Variants in RBFOX1 observed in about 807,000 individuals in gnomAD.
RBFOX1 encodes the protein RNA binding fox-1 homolog 1, also known as RNA binding protein fox-1 homolog 1.
In RBFOX1, 8 loss-of-function variants were observed where a neutral mutation model predicts 57.7. The observed-to-expected ratio is 0.14, with a 90% confidence interval of 0.08 to 0.25. The LOEUF is 0.25. Among genes scored for constraint, RBFOX1 ranks in the 10% least tolerant of loss-of-function variants. The pLI is 1.00. For synonymous variants in RBFOX1, 326 were observed against 222.4 expected (o/e 1.47, Z -4.15); for missense variants, 611 against 548.5 (o/e 1.11, Z -1.14).
intron 2 of RBFOX1, among the ~76,000 whole-genome samples, chr16:6,547,328 A>T (rs2096910323): frequency 6.6e-6 from 1 of 152,152 alleles, no homozygotes; most frequent in African/African-American, 2.4e-5. Flanking sequence ...GTTGTTAATG[A>T]CTACTTATTT....
chr16:7,608,580 A>G (rs1568070411), intron 10 of RBFOX1, among the ~76,000 whole-genome samples: 1 of 151,952 alleles, frequency 6.6e-6, no homozygotes, highest in Non-Finnish European at 1.5e-5. Context: ...CTGAGAAGAC[A>G]CCTCTGCTGA....
chr16:5,818,492 C>A (rs2055725610), intron 3 of RBFOX1, among the ~76,000 whole-genome samples: 1 of 152,132 alleles, frequency 6.6e-6, no homozygotes, highest in Non-Finnish European at 1.5e-5. Flanking sequence ...AGCCATGTGC[C>A]AGATACTGTG....
chr16:5,368,198 C>T (rs988742461), intron 1 of RBFOX1, among the ~76,000 whole-genome samples: 1 of 152,208 alleles, frequency 6.6e-6, no homozygotes, highest in Non-Finnish European at 1.5e-5. Context: ...TTTGAAGCTG[C>T]TCATGTGGTT....
Position 7,061,170 on chromosome 16 carries a change from A to G in RBFOX1, c.27+9072A>G, listed in dbSNP as rs147333065. On this transcript the variant is annotated intron_variant, in intron 4 of 15. Transcript: ENST00000550418. ...TTTGCCCCAAAGTAATTAGTTCTCT[A>G]CTTCTAGAAGCTGCAGGAACTCAGG... 9.8e-5 allele frequency among the ~76,000 whole-genome samples: 15 copies of G among 152,324 alleles called. No homozygotes were observed. In the East Asian group the frequency reaches 2.9e-3, roughly 29 times the overall value.
In RBFOX1 at chr16:6,735,643, C is replaced by G. The variant is rs538805085; in HGVS notation, c.-16+80993C>G. ...AAGTTGTGTAACATTGGATCGATCA[C>G]AAAATGTTTGGGTAACAATGCTGAG... On this transcript the variant is annotated intron_variant, in intron 3 of 15. Coordinates refer to ENST00000550418, the MANE Select transcript of RBFOX1 (RefSeq NM_018723.4). 8.5e-5 allele frequency among the ~76,000 whole-genome samples: 13 copies of G among 152,242 alleles called. No individual in the cohort carries two copies. The East Asian group carries it at 2.5e-3, about 29-fold the overall frequency.
intron 1 of RBFOX1, among the ~76,000 whole-genome samples, chr16:6,167,380 G>C (rs1249600240): frequency 6.6e-6 from 1 of 152,188 alleles, no homozygotes; most frequent in Non-Finnish European, 1.5e-5. Context: ...TTTAAGCTGA[G>C]AGCACTTACC....
chr16:6,019,899 A>T lies in RBFOX1; in HGVS notation c.-220A>T. 3.3e-6 allele frequency: 5 copies of T among 1,535,042 alleles called. No homozygotes were observed. The highest frequency in any genetic ancestry group is 4.4e-6 in the Non-Finnish European group (5 of 1,146,576). On this transcript the variant is annotated 5_prime_UTR_variant, in exon 1 of 16. An upstream start codon of the reference 5' UTR is lost. Transcript: ENST00000550418. This position sits in a 1 kb window ranked among gnomAD's most constrained non-coding sequence, Gnocchi z 4.2. ...CACCCCCTTCCGCCGCCTCCAGCTTATGGTGAGTGTGGCTGGGGGTGCAGA... is the reference window on the plus strand; with the variant it reads ...CACCCCCTTCCGCCGCCTCCAGCTTTTGGTGAGTGTGGCTGGGGGTGCAGA...
chr16:7,232,144 C>T (rs1333966479), intron 4 of RBFOX1, among the ~76,000 whole-genome samples: 1 of 152,126 alleles, frequency 6.6e-6, no homozygotes, highest in Non-Finnish European at 1.5e-5. Flanking sequence ...CTGCTTCAGC[C>T]TCCTGAGTAG....
At chr16:6,129,656 T>C (rs2096615323) in intron 1 of RBFOX1, among the ~76,000 whole-genome samples, 1 of 145,502 alleles carries the variant, frequency 6.9e-6, no homozygotes, top group African/African-American at 2.6e-5. Flanking sequence ...AACATCCATT[T>C]ACAGGTCCAA....
intron 1 of RBFOX1, among the ~76,000 whole-genome samples, chr16:6,232,795 T>C (rs555361920): frequency 4.6e-5 from 7 of 152,270 alleles, no homozygotes; most frequent in African/African-American, 1.7e-4. Context: ...TGCTTCCACT[T>C]GGACTGGTGA....
intron 14 of RBFOX1, among the ~76,000 whole-genome samples, chr16:7,707,672 A>G (rs1402611175): frequency 1.3e-5 from 2 of 152,160 alleles, no homozygotes; most frequent in Non-Finnish European, 2.9e-5. Flanking sequence ...TCAATGGTGC[A>G]TCACTCACTC....
intron 4 of RBFOX1, among the ~76,000 whole-genome samples, chr16:5,955,155 A>T (rs1436125945): frequency 8.6e-6 from 1 of 116,254 alleles, no homozygotes; most frequent in South Asian, 2.7e-4. Flanking sequence ...AGCCAGGCGC[A>T]CCTGTAGTCC....
chr16:7,488,558 A>G (rs568659338), intron 4 of RBFOX1, among the ~76,000 whole-genome samples: 2 of 144,996 alleles, frequency 1.4e-5, no homozygotes, highest in South Asian at 2.6e-4. Flanking sequence ...ACATACATCA[A>G]TCCATCATAT....
chr16:7,435,681 C>T (rs1018972922), intron 4 of RBFOX1, among the ~76,000 whole-genome samples: 2 of 152,178 alleles, frequency 1.3e-5, no homozygotes, highest in African/African-American at 4.8e-5. Context: ...ACATTGCCTG[C>T]CCCCGAAGCT....
rs1598425719 is a variant in RBFOX1, at chr16:7,438,756, T to C, written c.28-79391T>C. On this transcript the variant is annotated intron_variant, in intron 4 of 15. Coordinates refer to ENST00000550418, the MANE Select transcript of RBFOX1 (RefSeq NM_018723.4). The stretch of plus-strand genomic sequence containing the variant: ...CTGAGGCTATGGTTCATTCTCCCTT[T>C]GCACCACAGTGAGCGCCTGTCAATA... Among the ~76,000 whole-genome samples, 4 of 152,332 alleles carry C rather than the reference T, an allele frequency of 2.6e-5. 1 individual carries two copies. The highest frequency in any genetic ancestry group is 9.6e-5 in the African/African-American group (4 of 41,586).
At chr16:5,958,127 T>A (rs561414035) in intron 4 of RBFOX1, among the ~76,000 whole-genome samples, 1 of 152,220 alleles carries the variant, frequency 6.6e-6, no homozygotes, top group African/African-American at 2.4e-5. Flanking sequence ...ACTACCTTTG[T>A]AGTGTTTGGG....
At chr16:5,782,195 A>T (rs2054345335) in intron 3 of RBFOX1, among the ~76,000 whole-genome samples, 1 of 152,252 alleles carries the variant, frequency 6.6e-6, no homozygotes, top group African/African-American at 2.4e-5. Context: ...TGAGTGACAA[A>T]GCAAGACTCA....
intron 4 of RBFOX1, among the ~76,000 whole-genome samples, chr16:5,893,393 C>T (rs948278624): frequency 5.9e-5 from 9 of 152,174 alleles, no homozygotes; most frequent in Non-Finnish European, 1.0e-4. Context: ...TATAGTTGTA[C>T]GTTTCAAAAT....
intron 1 of RBFOX1, among the ~76,000 whole-genome samples, chr16:5,442,997 A>G (rs634004): frequency 0.19 from 29,428 of 152,094 alleles, 4,579 homozygotes; most frequent in African/African-American, 0.44. Context: ...AGAGATGGGA[A>G]TGATGCTGCC....
Sources: allele counts gnomAD v4.1 joint callset (sites outside exome capture counted in the v4.1 genomes callset), GRCh38; gene constraint gnomAD v4.1.1; non-coding constraint Gnocchi (gnomAD v3.1); transcripts MANE v1.5; gene names NCBI Gene and HGNC (gene_info 2026-07-23, HGNC 2026-07-21).